The following C8orf58 variants were observed in gnomAD, a reference collection of about 807,000 sequenced individuals.
C8orf58 encodes the protein chromosome 8 open reading frame 58.
A neutral mutation model predicts 36.8 loss-of-function variants in C8orf58; 31 were observed. That is an observed-to-expected ratio of 0.84 (90% confidence interval 0.63 to 1.14). The LOEUF is 1.14. Ranked by LOEUF, C8orf58 falls within the 50% of genes most tolerant of loss-of-function variation. The pLI, the probability that C8orf58 is intolerant of heterozygous loss-of-function variation, is 0.00. For synonymous variants in C8orf58, 230 were observed against 200.2 expected, an observed-to-expected ratio of 1.15 and a Z score of -1.26; for missense variants, 538 against 480.8, an observed-to-expected ratio of 1.12 and a Z score of -1.11.
Position 22,599,693 on chromosome 8 carries a change from T to TGGCCGG in C8orf58, c.-14_-9dup, listed in dbSNP as rs1045217721. On this transcript the variant is annotated 5_prime_UTR_variant, in exon 1 of 7. Coordinates refer to ENST00000289989, the MANE Select transcript of C8orf58 (RefSeq NM_001013842.3). ...GGCCGGGATCCTCGGGCGGCTGCAT[T>TGGCCGG]GGCCGGGGCCGGGGCCGGGAGCGGG... 163 of 1,190,922 alleles carry TGGCCGG rather than the reference T, an allele frequency of 1.4e-4. No homozygotes were observed. The African/African-American group carries it at 2.1e-3, about 16-fold the overall frequency. The allele number at this position is 1,190,922 out of a possible 1,614,324, so 73.8% of individuals were successfully genotyped here. A position where few individuals can be genotyped will look rare whatever the true frequency, so the allele number is the denominator to read the frequency against.
intron 2 of C8orf58, 45 bp downstream of exon 2, chr8:22,601,402 C>T: frequency 1.4e-6 from 2 of 1,420,276 alleles, no homozygotes; most frequent in South Asian, 1.4e-5. Context: ...GGATGGACAG[C>T]CTAGCTCCTC....
At position 22,599,648 on chromosome 8, in the gene C8orf58, C is replaced by G. The variant is rs1356505921; in HGVS notation, c.-73C>G. On this transcript the variant is annotated 5_prime_UTR_variant, in exon 1 of 7. Coordinates refer to ENST00000289989, the MANE Select transcript of C8orf58 (RefSeq NM_001013842.3). ...GGTCGGGACGCGCTCCCTGAGCTGC[C>G]CGAGCTCCGCGGGGACTCGGGCCGG... is the stretch of plus-strand genomic sequence containing the variant. 5.6e-6 allele frequency: 5 copies of G among 895,972 alleles called. No homozygotes were observed. Among genetic ancestry groups the G allele is most frequent in the African/African-American group, 1.8e-5 (1 of 54,432 alleles). 55.5% of individuals were successfully genotyped at this position (895,972 alleles called of 1,614,324 possible).
chr8:22,601,489 C>T (rs1156662714), intron 2 of C8orf58, 132 bp downstream of exon 2: 1 of 931,382 alleles, frequency 1.1e-6, no homozygotes, highest in East Asian at 2.7e-5. Context: ...GTTCTTTCTG[C>T]ACCCCAGTTC....
chr8:22,599,896 C>A, intron 1 of C8orf58, 136 bp downstream of exon 1: 1 of 395,346 alleles, frequency 2.5e-6, no homozygotes, highest in Non-Finnish European at 4.3e-6. Context: ...CGCTGCGCCT[C>A]CCTCGCCGCC....
intron 3 of C8orf58, 36 bp from the exon 4 acceptor site, chr8:22,601,936 A>T: frequency 6.5e-7 from 1 of 1,546,530 alleles, no homozygotes; most frequent in Non-Finnish European, 8.7e-7. Context: ...TCAGCCCTCT[A>T]GCCAGGCCCT....
chr8:22,603,219 A>G lies in C8orf58; in HGVS notation c.1011A>G (p.Glu337=), dbSNP rs1204411723. ...GGATCGAGTCCAGGGACCTCCCTGA[A>G]AGGCCTCAGTGCCGCCCCCACCGGA... ...DPRIESRDLP[E]RPQCRPHRKT... is the part of the protein sequence containing the mutation. The change falls in exon 7 of 7, where the codon GAA becomes GAG. Residue 337 remains glutamate (E), a synonymous_variant. Transcript: ENST00000289989. 2 of 1,613,866 alleles carry G rather than the reference A, an allele frequency of 1.2e-6. No homozygotes were observed. The highest frequency in any genetic ancestry group is 1.7e-6 in the Non-Finnish European group (2 of 1,179,920).
At position 22,600,921 on chromosome 8, in the gene C8orf58, C is replaced by A; in HGVS notation, c.80C>A (p.Pro27His). The change falls in exon 2 of 7, where the codon CCT (proline) becomes CAT (histidine). Residue 27 changes from proline to histidine, a missense_variant. Coordinates refer to ENST00000289989, the MANE Select transcript of C8orf58 (RefSeq NM_001013842.3). ...GGCCTGGCACGGGGCTGCATAGTGC[C>A]TGGAGTCACCAGCACCTACAGACGG... is the stretch of plus-strand genomic sequence containing the variant. ...GEGLARGCIV[P>H]GVTSTYRRIP... 6.2e-7 allele frequency: 1 copy of A among 1,611,652 alleles called. No homozygotes were observed. Among genetic ancestry groups the A allele is most frequent in the South Asian group, 1.1e-5 (1 of 90,984 alleles).
In C8orf58 at chr8:22,601,714, G is replaced by C. The variant is rs530414257; in HGVS notation, c.519G>C (p.Val173=). The change falls in exon 3 of 7, where the codon GTG becomes GTC. Residue 173 remains valine, a splice_region_variant and synonymous_variant. Coordinates refer to ENST00000289989, the MANE Select transcript of C8orf58 (RefSeq NM_001013842.3). The part of the protein sequence containing the change: ...DLEAGLEEEA[V]GGLGPGAWAC... ...CCCTATCTCACAATGTCCCACAGGTGGGGGGCCTGGGGCCTGGAGCCTGGG... is the reference window on the plus strand; with the variant it reads ...CCCTATCTCACAATGTCCCACAGGTCGGGGGCCTGGGGCCTGGAGCCTGGG... The C allele has an allele frequency of 1.9e-4, 301 of 1,606,376 alleles. 2 individuals are homozygous for C. In the South Asian group the frequency reaches 2.8e-3, roughly 15 times the overall value.
chr8:22,603,078 C>T (rs1800917884), intron 6 of C8orf58, 117 bp from the exon 7 acceptor site: 1 of 741,516 alleles, frequency 1.3e-6, no homozygotes, highest in Non-Finnish European at 2.4e-6. Context: ...TTTAACAGCC[C>T]CGGGCTGCGC....
chr8:22,599,885 C>A, intron 1 of C8orf58, 125 bp downstream of exon 1: 1 of 420,472 alleles, frequency 2.4e-6, no homozygotes, highest in Non-Finnish European at 3.9e-6. Flanking sequence ...GGAGCCCGCG[C>A]CGCTGCGCCT....
At chr8:22,601,460 T>C (rs753644537) in intron 2 of C8orf58, 103 bp downstream of exon 2, 93 of 1,022,870 alleles carry the variant, frequency 9.1e-5, no homozygotes, top group Non-Finnish European at 1.3e-4. Context: ...CTGCCCCTAA[T>C]TGATGGGTTG....
At chr8:22,600,003 G>C in intron 1 of C8orf58, 1 of 348,662 alleles carries the variant, frequency 2.9e-6, no homozygotes, top group Middle Eastern at 7.6e-4. Flanking sequence ...ACTTCCTCCG[G>C]CTCCGCTTCC....
chr8:22,601,585 C>T, intron 2 of C8orf58, 127 bp from the exon 3 acceptor site: 1 of 1,219,732 alleles, frequency 8.2e-7, no homozygotes, highest in East Asian at 2.4e-5. Context: ...AGTGGGGAAG[C>T]CGGCTGCGTG....
chr8:22,601,454 C>T, intron 2 of C8orf58, 97 bp downstream of exon 2: 1 of 1,076,722 alleles, frequency 9.3e-7, no homozygotes, highest in Non-Finnish European at 1.3e-6. Context: ...CACTCCCTGC[C>T]CCTAATTGAT....
chr8:22,602,428 T>C, intron 5 of C8orf58, 109 bp from the exon 6 acceptor site: 1 of 1,325,500 alleles, frequency 7.5e-7, no homozygotes, highest in Non-Finnish European at 1.1e-6. Flanking sequence ...GATTGATTCC[T>C]GTTTGGAGCA....
At position 22,601,344 on chromosome 8, in the gene C8orf58, T is replaced by A; in HGVS notation, c.503T>A (p.Leu168Gln). 2 of 1,581,126 alleles carry A rather than the reference T, an allele frequency of 1.3e-6. No homozygotes were observed. Among genetic ancestry groups the A allele is most frequent in the Non-Finnish European group, 1.7e-6 (2 of 1,158,062 alleles). ...MEADTDLEAGLEEEAVGGLGP... is the reference protein window; with the variant it reads ...MEADTDLEAGQEEEAVGGLGP... ...GCAGACACAGACCTAGAGGCAGGCC[T>A]GGAAGAAGAGGCGGTGAGTGCTCAC... Residue 168 changes from leucine (L) to glutamine (Q), a missense_variant, in exon 2 of 7, where the codon CTG becomes CAG. Physicochemically the swap from Leu to Gln is moderately radical, Grantham distance 113. Transcript: ENST00000289989.
At position 22,603,654 on chromosome 8, in the gene C8orf58, A is replaced by C. The variant is rs1800943754; in HGVS notation, c.*348A>C. On this transcript the variant is annotated 3_prime_UTR_variant, in exon 7 of 7. Coordinates refer to ENST00000289989, the MANE Select transcript of C8orf58 (RefSeq NM_001013842.3). ...CAGATGTGTATTTATGCGCAATGGT[A>C]TGCATATCTCTGTGTGACTGTCAGT... 1 of 380,982 alleles carries C rather than the reference A, an allele frequency of 2.6e-6. No individual in the cohort carries two copies. Among genetic ancestry groups the C allele is most frequent in the Non-Finnish European group, 5.1e-6 (1 of 197,440 alleles). 23.6% of individuals were successfully genotyped at this position (380,982 alleles called of 1,614,324 possible). A position where few individuals can be genotyped will look rare whatever the true frequency, so the allele number is the denominator to read the frequency against.
Position 22,601,843 on chromosome 8 carries a change from GC to G in C8orf58, c.653del (p.Pro218GlnfsTer32). ...TCTACCTGCAGCTGCGGATCCAGAGGCCCCCAGGGGTGAGTGAGATTCGAGT... is the reference window on the plus strand; with the variant it reads ...TCTACCTGCAGCTGCGGATCCAGAGGCCCCAGGGGTGAGTGAGATTCGAGT... ...QLYLQLRIQR[P>X]PGDPGEEEST... On this transcript the variant is annotated frameshift_variant, in exon 3 of 7. Transcript: ENST00000289989. LOFTEE classifies it high-confidence loss of function. 1 of 1,604,780 alleles carries G rather than the reference GC, an allele frequency of 6.2e-7. No individual in the cohort carries two copies. Among genetic ancestry groups the G allele is most frequent in the South Asian group, 1.1e-5 (1 of 90,306 alleles).
In C8orf58 at chr8:22,602,248, C is replaced by A; in HGVS notation, c.815C>A (p.Pro272His). ...AAGGTGGAGGTGCCCAGTGCCAACCCTCCCAGGCTGCCAGAAACCCCAGTG... is the reference window on the plus strand; with the variant it reads ...AAGGTGGAGGTGCCCAGTGCCAACCATCCCAGGCTGCCAGAAACCCCAGTG... ...PPKVEVPSANPPRLPETPVEP... is the reference protein window; with the variant it reads ...PPKVEVPSANHPRLPETPVEP... Residue 272 changes from proline to histidine, a missense_variant, in exon 5 of 7, where the codon CCT becomes CAT. Transcript: ENST00000289989. The A allele has an allele frequency of 6.2e-7, 1 of 1,608,492 alleles. No homozygotes were observed. The highest frequency in any genetic ancestry group is 1.7e-5 in the Admixed American group (1 of 59,504).
Sources: gnomAD v4.1 joint callset for allele counts on GRCh38, gnomAD v4.1.1 for gene constraint, MANE v1.5 for transcripts, NCBI Gene and HGNC (gene_info 2026-07-23, HGNC 2026-07-21) for gene names.